MXRA7: variants seen among roughly 807,000 people sequenced by gnomAD.
MXRA7 encodes matrix-remodeling-associated protein 7.
In MXRA7, 18 loss-of-function variants were observed where a neutral mutation model predicts 17.4. The observed-to-expected ratio is 1.03, with a 90% CI of 0.71 to 1.53. The LOEUF (loss-of-function observed/expected upper bound fraction) is 1.53, where lower values mean the gene tolerates loss of function less well. Among genes scored for constraint, MXRA7 ranks in the 40% most tolerant of loss-of-function variants. MXRA7 has a pLI of 0.00. For missense variants in MXRA7, 141 were observed against 209.3 expected (o/e 0.67, Z 2.01); for synonymous variants, 70 against 101.7 (o/e 0.69, Z 1.87).
chr17:76,706,342 C>A lies in MXRA7; in HGVS notation c.342+4263G>T, dbSNP rs1365925550. 8.8e-4 allele frequency among the ~76,000 whole-genome samples: 82 copies of A among 93,256 alleles called. 10 individuals carry two copies. The highest frequency in any genetic ancestry group is 3.3e-3 in the East Asian group (11 of 3,308). The allele number at this position is 93,256 out of a possible 152,430, so 61.2% of individuals were successfully genotyped here. A position where few individuals can be genotyped will look rare whatever the true frequency, so the allele number is the denominator to read the frequency against. ...ATCACAAAGGACCACGCTGCCATCA[C>A]AGAGGCCCACTCTGCCATCACAGAG... On this transcript the variant is annotated intron_variant, in intron 1 of 3. Coordinates refer to ENST00000449428, the MANE Select transcript of MXRA7 (RefSeq NM_198530.4).
At chr17:76,688,038 C>T in intron 2 of MXRA7, 75 bp downstream of exon 2, 1 of 1,392,402 alleles carries the variant, frequency 7.2e-7, no homozygotes, top group Non-Finnish European at 1.0e-6. Flanking sequence ...AACCCCAGCT[C>T]CTGTGATCCC....
intron 2 of MXRA7, 114 bp downstream of exon 2, chr17:76,687,999 T>TG: frequency 1.6e-5 from 13 of 801,692 alleles, no homozygotes; most frequent in Non-Finnish European, 1.2e-5. Context: ...CAGGCCACTG[T>TG]CCCACCCCAT....
At chr17:76,687,494 G>A (rs922001129) in intron 2 of MXRA7, among the ~76,000 whole-genome samples, 8 of 152,262 alleles carry the variant, frequency 5.3e-5, no homozygotes, top group African/African-American at 1.4e-4. Context: ...CATCTTGCAT[G>A]TCTGCCTCCG....
chr17:76,701,360 G>T lies in MXRA7; in HGVS notation c.342+9245C>A, dbSNP rs528924143. 4.4e-4 allele frequency among the ~76,000 whole-genome samples: 67 copies of T among 152,082 alleles called. No individual in the cohort carries two copies. In the East Asian group the frequency reaches 0.012, roughly 27 times the overall value. ...TTTGGTCTGAGCAGCTGAGCGTCGG[G>T]GGGGTGGATCCGGGATGAGATGAGG... On this transcript the variant is annotated intron_variant, in intron 1 of 3. Coordinates refer to ENST00000449428, the MANE Select transcript of MXRA7 (RefSeq NM_198530.4).
At position 76,681,307 on chromosome 17, in the gene MXRA7, C is replaced by T. The variant is rs925866039; in HGVS notation, c.501-428G>A. 2.0e-5 allele frequency among the ~76,000 whole-genome samples: 3 copies of T among 152,118 alleles called. No individual in the cohort carries two copies. Among genetic ancestry groups the T allele is most frequent in the Admixed American group, 1.3e-4 (2 of 15,270 alleles). ...GGGGATACTGGCACCCTAGGATGCA[C>T]GCTTCCAGATGGAGCCAACTGCATG... On this transcript the variant is annotated intron_variant, in intron 3 of 3. Coordinates refer to ENST00000449428, the MANE Select transcript of MXRA7 (RefSeq NM_198530.4). The surrounding 1 kb of genome is among the most constrained non-coding windows in gnomAD (Gnocchi z 4.7).
chr17:76,677,259 T>A, downstream of MXRA7: 1 of 190,078 alleles, frequency 5.3e-6, no homozygotes, highest in Non-Finnish European at 1.1e-5. Flanking sequence ...GCCACTGCAC[T>A]CCAGCCTGGG....
intron 3 of MXRA7, among the ~76,000 whole-genome samples, chr17:76,683,378 T>C (rs2076335534): frequency 6.6e-6 from 1 of 152,228 alleles, no homozygotes; most frequent in Non-Finnish European, 1.5e-5. Flanking sequence ...CCGGCCGTTG[T>C]CTGCTAACCC....
intron 1 of MXRA7, among the ~76,000 whole-genome samples, chr17:76,701,363 G>C (rs1022311631): frequency 3.3e-5 from 5 of 151,932 alleles, no homozygotes; most frequent in African/African-American, 7.3e-5. Flanking sequence ...GCGTCGGGGG[G>C]GTGGATCCGG....
At chr17:76,701,449 A>T (rs1283977556) in intron 1 of MXRA7, among the ~76,000 whole-genome samples, 2 of 152,066 alleles carry the variant, frequency 1.3e-5, no homozygotes, top group Non-Finnish European at 2.9e-5. Flanking sequence ...AGGTGCACGT[A>T]GACAACCCAC....
downstream of MXRA7, chr17:76,677,795 C>T: frequency 1.2e-6 from 1 of 840,012 alleles, no homozygotes; most frequent in South Asian, 1.4e-5. Flanking sequence ...TGGGACTCTC[C>T]TCTCTCTTGT....
downstream of MXRA7, among the ~76,000 whole-genome samples, chr17:76,678,412 A>G (rs549401777): frequency 6.6e-6 from 1 of 152,212 alleles, no homozygotes; most frequent in African/African-American, 2.4e-5. Flanking sequence ...CAGCTACACC[A>G]TCTGACCAGC....
chr17:76,701,132 G>A (rs1342106351), intron 1 of MXRA7, among the ~76,000 whole-genome samples: 2 of 152,028 alleles, frequency 1.3e-5, no homozygotes, highest in Admixed American at 1.3e-4. Context: ...GCTGGTTGCT[G>A]GAAGAGCCTG....
chr17:76,677,612 C>G (rs558361032), downstream of MXRA7: 2 of 1,612,514 alleles, frequency 1.2e-6, no homozygotes, highest in African/African-American at 2.7e-5. Context: ...GCCGGAGCTG[C>G]TCCTGCACGT....
chr17:76,699,905 C>T (rs1173080742), intron 1 of MXRA7, among the ~76,000 whole-genome samples: 3 of 152,298 alleles, frequency 2.0e-5, no homozygotes, highest in Admixed American at 6.5e-5. Context: ...ATGTCCTGGG[C>T]TTCCATAAGA....
chr17:76,706,295 C>T (rs1286733118), intron 1 of MXRA7, among the ~76,000 whole-genome samples: 1 of 115,696 alleles, frequency 8.6e-6, no homozygotes, highest in Non-Finnish European at 1.9e-5. Flanking sequence ...CCCACGCTGC[C>T]GTCACAGAGG....
At chr17:76,689,509 G>A (rs1033881659) in intron 1 of MXRA7, 1 of 152,220 alleles carries the variant, frequency 6.6e-6, no homozygotes, top group African/African-American at 2.4e-5. Context: ...TGGCGAAGTG[G>A]TGCCTGTGTG....
chr17:76,678,193 T>A (rs1479018088), downstream of MXRA7, among the ~76,000 whole-genome samples: 1 of 152,156 alleles, frequency 6.6e-6, no homozygotes, highest in African/African-American at 2.4e-5. Flanking sequence ...TGCAAGACGG[T>A]GCTTGGCAAA....
chr17:76,706,401 GTCACAGAGGCCCACACTGCCA>G (rs1567991086), intron 1 of MXRA7, among the ~76,000 whole-genome samples: 12 of 92,974 alleles, frequency 1.3e-4, no homozygotes, highest in African/African-American at 4.7e-4. Flanking sequence ...CCACGCTGCC[GTCACAGAGGCCCACACTGCCA>G]TCACAAAGGA....
chr17:76,700,163 G>A (rs1040452097), intron 1 of MXRA7, among the ~76,000 whole-genome samples: 2 of 152,136 alleles, frequency 1.3e-5, no homozygotes, highest in African/African-American at 4.8e-5. Flanking sequence ...GTACAGACTG[G>A]GTTTTGCCAC....
Sources: gnomAD v4.1 joint callset for allele counts (sites outside exome capture counted in the v4.1 genomes callset) on GRCh38, gnomAD v4.1.1 for gene constraint, Gnocchi (gnomAD v3.1) non-coding constraint, MANE v1.5 for transcripts, NCBI Gene and HGNC (gene_info 2026-07-23, HGNC 2026-07-21) for gene names.